ROBO1: variants seen among roughly 807,000 people sequenced by gnomAD.
The protein encoded by ROBO1 is roundabout homolog 1.
Under a neutral mutation model 195.9 loss-of-function variants are expected in ROBO1, and 149 were observed. The ratio of observed to expected loss-of-function variants is 0.76; its 90% confidence interval spans 0.67 to 0.87. ROBO1 has a LOEUF of 0.87. Among genes scored for constraint, ROBO1 ranks in the 40% least tolerant of loss-of-function variants. The probability of loss-of-function intolerance (pLI) is 0.00; values close to 1 mark genes in which losing one functional copy is unlikely to be tolerated. For synonymous variants in ROBO1, 816 were observed against 733.2 expected (o/e 1.11, Z -1.82); for missense variants, 1,933 against 2,068.3 (o/e 0.93, Z 1.27).
chr3:78,695,679 A>C (rs1329709636), intron 8 of ROBO1, among the ~76,000 whole-genome samples: 1 of 151,850 alleles, frequency 6.6e-6, no homozygotes, highest in Non-Finnish European at 1.5e-5. Context: ...TAGCCTATTA[A>C]GGATCTTAAA....
At chr3:79,612,229 T>C (rs1425711300) in intron 1 of ROBO1, among the ~76,000 whole-genome samples, 1 of 148,734 alleles carries the variant, frequency 6.7e-6, no homozygotes, top group Non-Finnish European at 1.5e-5. Flanking sequence ...CCTTTCTGTG[T>C]CCATGTGATC....
intron 4 of ROBO1, among the ~76,000 whole-genome samples, chr3:78,856,557 CAA>C (rs554736937): frequency 1.6e-3 from 236 of 151,732 alleles, no homozygotes; most frequent in African/African-American, 5.4e-3. Context: ...CCAATAATTG[CAA>C]GAGTCCAAGC....
chr3:79,466,035 A>T (rs1182738864), intron 2 of ROBO1, among the ~76,000 whole-genome samples: 2 of 152,118 alleles, frequency 1.3e-5, no homozygotes, highest in East Asian at 1.9e-4. Flanking sequence ...CTCCTTTAAA[A>T]AAAAAAACAC....
intron 3 of ROBO1, among the ~76,000 whole-genome samples, chr3:79,017,477 G>GTA (rs1553659487): frequency 1.5e-4 from 22 of 151,370 alleles, no homozygotes; most frequent in Non-Finnish European, 3.1e-4. Context: ...GTGTGTGTGT[G>GTA]TGTGTGTGTG....
chr3:78,610,848 T>A (rs1355041136), intron 28 of ROBO1, among the ~76,000 whole-genome samples: 3 of 152,156 alleles, frequency 2.0e-5, no homozygotes, highest in African/African-American at 7.2e-5. Context: ...ATAAACAGAT[T>A]GCCAAATAAA....
chr3:79,503,014 C>T (rs1000788865), intron 2 of ROBO1, among the ~76,000 whole-genome samples: 1 of 152,100 alleles, frequency 6.6e-6, no homozygotes, highest in African/African-American at 2.4e-5. Flanking sequence ...AGAATAAAAG[C>T]AGGCTGCGTG....
At chr3:79,228,985 G>A (rs369445594) in intron 2 of ROBO1, among the ~76,000 whole-genome samples, 1 of 151,926 alleles carries the variant, frequency 6.6e-6, no homozygotes, top group East Asian at 1.9e-4. Context: ...CAGTAAAGAT[G>A]GTCTAGTTAG....
At chr3:79,046,776 T>A (rs114618547) in intron 3 of ROBO1, among the ~76,000 whole-genome samples, 1 of 152,264 alleles carries the variant, frequency 6.6e-6, no homozygotes, top group African/African-American at 2.4e-5. Context: ...GCCCACTGAC[T>A]CAAATGTTAA....
chr3:79,586,979 C>A (rs1452408643), intron 2 of ROBO1, among the ~76,000 whole-genome samples: 1 of 151,818 alleles, frequency 6.6e-6, no homozygotes, highest in South Asian at 2.1e-4. Context: ...AAGAGGTGGG[C>A]TTTAATGGGC....
intron 10 of ROBO1, 24 bp downstream of exon 10, chr3:78,685,722 G>A (rs2081035529): frequency 1.3e-6 from 2 of 1,535,138 alleles, no homozygotes; most frequent in South Asian, 1.2e-5. Context: ...TGGACATTTT[G>A]AAATAAAATG....
chr3:79,561,882 G>A (rs1942933571), intron 2 of ROBO1, among the ~76,000 whole-genome samples: 1 of 152,084 alleles, frequency 6.6e-6, no homozygotes, highest in Non-Finnish European at 1.5e-5. Context: ...AATGCCTGAG[G>A]TGAGAAGAAA....
At chr3:78,833,163 A>AT (rs1691923077) in intron 4 of ROBO1, among the ~76,000 whole-genome samples, 1 of 152,138 alleles carries the variant, frequency 6.6e-6, no homozygotes, top group African/African-American at 2.4e-5. Flanking sequence ...CACTGTTAGA[A>AT]TAGTCCACAT....
intron 4 of ROBO1, among the ~76,000 whole-genome samples, chr3:78,894,895 A>G (rs1305863886): frequency 6.6e-6 from 1 of 152,226 alleles, no homozygotes; most frequent in Non-Finnish European, 1.5e-5. Flanking sequence ...CACTGTAAGC[A>G]AAGAGGCTGG....
rs939128030 is a variant in ROBO1, at chr3:79,533,043, T to C, written c.88+56781A>G. On this transcript the variant is annotated intron_variant, in intron 2 of 30. Coordinates refer to ENST00000464233, the MANE Select transcript of ROBO1 (RefSeq NM_002941.4). ...GAGAAGAATTGATCCTTTAAACCAT[T>C]AAAAAGGGTGGAGACGAATTTTATT... The C allele has an allele frequency of 3.8e-5, 16 of 420,542 alleles. No homozygotes were observed. In the East Asian group the frequency reaches 1.2e-3, roughly 32 times the overall value. The allele number at this position is 420,542 out of a possible 1,614,324, so 26.1% of individuals were successfully genotyped here.
intron 1 of ROBO1, among the ~76,000 whole-genome samples, chr3:79,751,579 T>C (rs1458407208): frequency 5.3e-5 from 8 of 152,180 alleles, no homozygotes; most frequent in African/African-American, 1.4e-4. Context: ...GATGTTTGTA[T>C]ATGGACTACT....
chr3:78,853,221 C>T (rs549623065), intron 4 of ROBO1, among the ~76,000 whole-genome samples: 3 of 150,936 alleles, frequency 2.0e-5, no homozygotes, highest in East Asian at 3.9e-4. Flanking sequence ...AAAAGGAGTA[C>T]GGGAGAGGTG....
At chr3:79,143,434 G>A (rs1314530653) in intron 2 of ROBO1, among the ~76,000 whole-genome samples, 6 of 152,004 alleles carry the variant, frequency 3.9e-5, no homozygotes, top group Non-Finnish European at 5.9e-5. Flanking sequence ...ATGTGCCAGA[G>A]TACTTACCCA....
At chr3:79,300,319 C>G (rs111525797) in intron 2 of ROBO1, among the ~76,000 whole-genome samples, 5,117 of 152,312 alleles carry the variant, frequency 0.034, 260 homozygotes, top group African/African-American at 0.11. Context: ...TGGAGCAGCC[C>G]GCCGGCCCTG....
intron 3 of ROBO1, among the ~76,000 whole-genome samples, chr3:79,015,260 C>CT (rs1376197604): frequency 1.3e-5 from 2 of 152,044 alleles, no homozygotes; most frequent in Non-Finnish European, 2.9e-5. Context: ...ACACAACAAT[C>CT]TTACCAGAAA....
Sources: gnomAD v4.1 joint callset for allele counts (sites outside exome capture counted in the v4.1 genomes callset) on GRCh38, gnomAD v4.1.1 for gene constraint, MANE v1.5 for transcripts, NCBI Gene and HGNC (gene_info 2026-07-23, HGNC 2026-07-21) for gene names.